FOXP2: variants seen among roughly 807,000 people sequenced by gnomAD.
FOXP2 encodes the protein forkhead box P2, also known as forkhead box protein P2.
FOXP2 carries 12 observed loss-of-function variants against 115.8 expected under a neutral mutation model. That is an observed-to-expected ratio of 0.10 (90% confidence interval 0.07 to 0.17). FOXP2 has a LOEUF of 0.17. Among genes scored for constraint, FOXP2 ranks in the 10% least tolerant of loss-of-function variants. The pLI, the probability that FOXP2 is intolerant of heterozygous loss-of-function variation, is 1.00. For synonymous variants in FOXP2, 328 were observed against 297.7 expected (o/e 1.10, Z -1.05); for missense variants, 629 against 843.5 (o/e 0.75, Z 3.15).
intron 1 of FOXP2, among the ~76,000 whole-genome samples, chr7:114,217,718 A>G (rs1471188017): frequency 6.6e-6 from 1 of 152,210 alleles, no homozygotes; most frequent in Non-Finnish European, 1.5e-5. Context: ...CCTGCTAATT[A>G]GAGGCAGATA....
At chr7:114,621,363 T>C (rs1398032813) in intron 3 of FOXP2, among the ~76,000 whole-genome samples, 1 of 152,072 alleles carries the variant, frequency 6.6e-6, no homozygotes, top group Admixed American at 6.6e-5. Context: ...TTTGGGATAT[T>C]ATGGTTCTTT....
rs754271344 is a variant in FOXP2, at chr7:114,426,636, C to G, written c.125C>G (p.Ser42Cys). 3 of 1,611,466 alleles carry G rather than the reference C, an allele frequency of 1.9e-6. No individual in the cohort carries two copies. The highest frequency in any genetic ancestry group is 3.3e-5 in the Admixed American group (2 of 59,738). Residue 42 changes from serine (S) to cysteine (C), a missense_variant, in exon 2 of 17, where the codon TCT (serine) becomes TGT (cysteine). Ser to Cys is a moderately radical substitution (Grantham distance 112). Around this residue, in one of 9 missense-constraint regions of FOXP2, gnomAD observed 91 missense variants for 98.3 expected, o/e 0.93. Coordinates refer to ENST00000350908, the MANE Select transcript of FOXP2 (RefSeq NM_014491.4). ...GGAAGATCAAGTGGTGACACCAGCT[C>G]TGAAGTAAGCACAGTAGAACTGCTG... ...RDGRSSGDTS[S>C]EVSTVELLHL...
At chr7:114,446,956 G>A (rs1055015227) in intron 2 of FOXP2, among the ~76,000 whole-genome samples, 2 of 151,786 alleles carry the variant, frequency 1.3e-5, no homozygotes, top group African/African-American at 4.8e-5. Flanking sequence ...CACCATGTTG[G>A]CCAGGCTGAT....
At chr7:114,652,112 T>G in intron 8 of FOXP2, 91 bp from the exon 9 acceptor site, 2 of 1,175,172 alleles carry the variant, frequency 1.7e-6, no homozygotes, top group Non-Finnish European at 2.5e-6. Flanking sequence ...CACAGAAACA[T>G]CTGACTTCAG....
At chr7:114,306,194 A>C (rs774742950) in intron 2 of FOXP2, among the ~76,000 whole-genome samples, 2 of 152,130 alleles carry the variant, frequency 1.3e-5, no homozygotes. Flanking sequence ...TAATAAGTCA[A>C]CTTGTTACTG....
At chr7:114,148,977 T>C (rs1054433788) in intron 1 of FOXP2, among the ~76,000 whole-genome samples, 1 of 152,172 alleles carries the variant, frequency 6.6e-6, no homozygotes, top group Non-Finnish European at 1.5e-5. Context: ...TCTCCGTCCC[T>C]ACCCTTACTT....
At chr7:114,455,770 T>A (rs538440424) in intron 2 of FOXP2, among the ~76,000 whole-genome samples, 1 of 152,260 alleles carries the variant, frequency 6.6e-6, no homozygotes, top group African/African-American at 2.4e-5. Context: ...ACCCTACCGC[T>A]TTTTCTCTTA....
chr7:114,223,363 G>A (rs1393842517), intron 1 of FOXP2, among the ~76,000 whole-genome samples: 3 of 151,288 alleles, frequency 2.0e-5, no homozygotes, highest in African/African-American at 4.9e-5. Flanking sequence ...AGGTTGATCA[G>A]CTTTTTATTT....
At chr7:114,299,318 C>T (rs747931796) in intron 2 of FOXP2, among the ~76,000 whole-genome samples, 57 of 152,028 alleles carry the variant, frequency 3.7e-4, no homozygotes, top group South Asian at 2.9e-3. Flanking sequence ...AACATCCTTT[C>T]TTCTCTTTTT....
chr7:114,440,996 G>A lies in FOXP2; in HGVS notation c.168+14317G>A, dbSNP rs1394370210. Among the ~76,000 whole-genome samples the A allele has an allele frequency of 7.9e-5, 12 of 152,228 alleles. No individual in the cohort carries two copies. The East Asian group carries it at 1.4e-3, about 17-fold the overall frequency. ...AATGTAACCTTTGCTATTGAAATAT[G>A]GCACAGCAAGATGCACAGGCTTGGG... On this transcript the variant is annotated intron_variant, in intron 2 of 16. Transcript: ENST00000350908.
chr7:114,572,048 C>T lies in FOXP2; in HGVS notation c.258+37342C>T, dbSNP rs115922732. Among the ~76,000 whole-genome samples, 1,011 of 151,644 alleles carry T rather than the reference C, an allele frequency of 6.7e-3. 10 individuals carry two copies. Among genetic ancestry groups the T allele is most frequent in the African/African-American group, 0.023 (960 of 41,408 alleles). ...AATACTCATATACAATCAATGTCTT[C>T]CTGAATGAAGAAGAAATATCTAATT... On this transcript the variant is annotated intron_variant, in intron 3 of 16. Coordinates refer to ENST00000350908, the MANE Select transcript of FOXP2 (RefSeq NM_014491.4).
intron 2 of FOXP2, among the ~76,000 whole-genome samples, chr7:114,332,071 C>G (rs947424271): frequency 2.8e-4 from 43 of 152,072 alleles, no homozygotes; most frequent in African/African-American, 8.7e-4. Context: ...TGAACCCCAT[C>G]AATTTGTTTG....
intron 1 of FOXP2, among the ~76,000 whole-genome samples, chr7:114,242,649 G>A (rs1584571259): frequency 6.6e-6 from 1 of 152,114 alleles, no homozygotes; most frequent in East Asian, 1.9e-4. Flanking sequence ...CACTTACTTT[G>A]TGGACTAAAA....
intron 2 of FOXP2, among the ~76,000 whole-genome samples, chr7:114,316,868 A>G (rs761046297): frequency 2.0e-5 from 3 of 152,156 alleles, no homozygotes; most frequent in Admixed American, 6.6e-5. Context: ...CTCTAAAGAC[A>G]TGAATTGCCT....
intron 2 of FOXP2, among the ~76,000 whole-genome samples, chr7:114,439,106 A>G (rs1175276993): frequency 6.6e-6 from 1 of 152,184 alleles, no homozygotes; most frequent in Admixed American, 6.6e-5. Context: ...GGTCATATAA[A>G]TTGGAGATCC....
At chr7:114,479,600 T>C (rs1796434438) in intron 2 of FOXP2, among the ~76,000 whole-genome samples, 1 of 149,850 alleles carries the variant, frequency 6.7e-6, no homozygotes. Flanking sequence ...ATGAGGGAGA[T>C]TGACTGTTAT....
At chr7:114,240,591 G>C (rs1454009078) in intron 1 of FOXP2, among the ~76,000 whole-genome samples, 2 of 151,680 alleles carry the variant, frequency 1.3e-5, no homozygotes, top group Non-Finnish European at 2.9e-5. Flanking sequence ...TATGGGGATT[G>C]TTTCAATCAT....
chr7:114,566,482 G>C (rs1801029024), intron 3 of FOXP2, among the ~76,000 whole-genome samples: 1 of 151,926 alleles, frequency 6.6e-6, no homozygotes, highest in Non-Finnish European at 1.5e-5. Flanking sequence ...AAAAGAGTCT[G>C]GCACCTCCTT....
chr7:114,497,242 C>T (rs1037040062), intron 2 of FOXP2, among the ~76,000 whole-genome samples: 15 of 152,132 alleles, frequency 9.9e-5, no homozygotes, highest in Admixed American at 8.5e-4. Context: ...CCAATAACAG[C>T]TTTCATCTTT....
Sources: gnomAD v4.1 joint callset for allele counts (sites outside exome capture counted in the v4.1 genomes callset) on GRCh38, gnomAD v4.1.1 for gene constraint, gnomAD v4.1.1 regional missense constraint, MANE v1.5 for transcripts, NCBI Gene and HGNC (gene_info 2026-07-23, HGNC 2026-07-21) for gene names.